POGZ: variants seen among roughly 807,000 people sequenced by gnomAD.
POGZ encodes pogo transposable element with ZNF domain.
A neutral mutation model predicts 134.6 loss-of-function variants in POGZ; 17 were observed. That is an observed-to-expected ratio of 0.13 (90% CI 0.09 to 0.19). The LOEUF (loss-of-function observed/expected upper bound fraction) is 0.19, where lower values mean the gene tolerates loss of function less well. Ranked by LOEUF, POGZ falls within the 10% of genes least tolerant of loss-of-function variation. The pLI is 1.00. For synonymous variants in POGZ, 693 were observed against 657.1 expected (o/e 1.05, Z -0.84); for missense variants, 1,306 against 1,769.7 (o/e 0.74, Z 4.70).
chr1:151,436,922 G>A (rs1035685170), intron 3 of POGZ, among the ~76,000 whole-genome samples: 6 of 152,284 alleles, frequency 3.9e-5, no homozygotes, highest in Middle Eastern at 3.4e-3. Context: ...GGCCAGGTGA[G>A]GCGGCTCATG....
In POGZ at chr1:151,427,819, G is replaced by T. The variant is rs779781451; in HGVS notation, c.1078+4C>A. 6 of 1,594,090 alleles carry T rather than the reference G, an allele frequency of 3.8e-6. No homozygotes were observed. The highest frequency in any genetic ancestry group is 8.6e-7 in the Non-Finnish European group (1 of 1,162,066). On this transcript the variant is annotated splice_donor_region_variant and intron_variant, in intron 7 of 18. Transcript: ENST00000271715. ...GCTGCTCAGAGTCTTTCAGGTTATT[G>T]TACCTTTCATTGAAGACTCAGGTCC...
Position 151,411,569 on chromosome 1 carries a change from C to G in POGZ, c.1926+56G>C. On this transcript the variant is annotated intron_variant, in intron 12 of 18. Transcript: ENST00000271715. ...CCTAGCTCAGCCCTGGCCCCAGCAT[C>G]CATGTTTAAAAAAAAAAAAAACAAG... 3 of 1,277,688 alleles carry G rather than the reference C, an allele frequency of 2.3e-6. No homozygotes were observed. The Admixed American group carries it at 6.3e-5, about 27-fold the overall frequency. The allele number at this position is 1,277,688 out of a possible 1,614,324, so 79.1% of individuals were successfully genotyped here. A position where few individuals can be genotyped will look rare whatever the true frequency, so the allele number is the denominator to read the frequency against.
At chr1:151,407,817 C>T (rs1653925612) in intron 15 of POGZ, among the ~76,000 whole-genome samples, 1 of 151,942 alleles carries the variant, frequency 6.6e-6, no homozygotes. Context: ...TGAGACCAGC[C>T]TGGCCAACAA....
intron 10 of POGZ, among the ~76,000 whole-genome samples, chr1:151,415,396 T>A (rs1655447711): frequency 6.6e-6 from 1 of 152,090 alleles, no homozygotes; most frequent in African/African-American, 2.4e-5. Flanking sequence ...CCGGGTGTGG[T>A]GGCTCACGCC....
intron 12 of POGZ, among the ~76,000 whole-genome samples, 191 bp downstream of exon 12, chr1:151,411,434 C>T (rs1421830913): frequency 2.0e-5 from 3 of 152,136 alleles, no homozygotes; most frequent in Admixed American, 6.5e-5. Context: ...GTATTGTTTG[C>T]CTTGTTTACT....
At position 151,404,719 on chromosome 1, in the gene POGZ, G is replaced by A. The variant is rs1172048950; in HGVS notation, c.*83C>T. On this transcript the variant is annotated 3_prime_UTR_variant, in exon 19 of 19. Coordinates refer to ENST00000271715, the MANE Select transcript of POGZ (RefSeq NM_015100.4). ...AAAATAGAAACCAAATACCCCACCT[G>A]GTATGCCCCCTTTTCCCTAAGCCCC... 26 of 1,486,810 alleles carry A rather than the reference G, an allele frequency of 1.7e-5. No homozygotes were observed. Among genetic ancestry groups the A allele is most frequent in the Non-Finnish European group, 8.9e-6 (10 of 1,120,376 alleles). 92.1% of individuals were successfully genotyped at this position (1,486,810 alleles called of 1,614,324 possible).
At chr1:151,450,464 C>T (rs1199904182) in intron 1 of POGZ, among the ~76,000 whole-genome samples, 1 of 151,054 alleles carries the variant, frequency 6.6e-6, no homozygotes, top group Non-Finnish European at 1.5e-5. Flanking sequence ...GCAATCCTCC[C>T]GTCTCAGCCT....
intron 3 of POGZ, among the ~76,000 whole-genome samples, chr1:151,437,667 G>A (rs897344261): frequency 1.3e-5 from 2 of 151,558 alleles, no homozygotes; most frequent in African/African-American, 2.4e-5. Context: ...CATGAGAATC[G>A]CTTGAACCAG....
intron 3 of POGZ, among the ~76,000 whole-genome samples, chr1:151,437,207 A>T (rs1659739244): frequency 1.3e-5 from 2 of 151,116 alleles, no homozygotes; most frequent in East Asian, 3.9e-4. Flanking sequence ...TCCGTCTCAA[A>T]AAAAAAAAAA....
At chr1:151,421,439 C>T (rs927684520) in intron 10 of POGZ, among the ~76,000 whole-genome samples, 15 of 151,894 alleles carry the variant, frequency 9.9e-5, no homozygotes, top group African/African-American at 2.7e-4. Flanking sequence ...ATGAAGCTTG[C>T]GTATTTCTAC....
At chr1:151,417,634 G>C (rs1270110081) in intron 10 of POGZ, among the ~76,000 whole-genome samples, 1 of 151,264 alleles carries the variant, frequency 6.6e-6, no homozygotes, top group African/African-American at 2.4e-5. Flanking sequence ...AGTGCTGGGA[G>C]TACAGGCGTG....
chr1:151,450,349 C>T (rs1019372138), intron 1 of POGZ, among the ~76,000 whole-genome samples: 1 of 151,658 alleles, frequency 6.6e-6, no homozygotes, highest in Non-Finnish European at 1.5e-5. Context: ...TTGATTTTAT[C>T]TTCATATTCA....
At chr1:151,458,593 G>A (rs909907640) in intron 1 of POGZ, among the ~76,000 whole-genome samples, 3 of 145,682 alleles carry the variant, frequency 2.1e-5, no homozygotes, top group South Asian at 2.1e-4. Context: ...CCCACCCCCA[G>A]GGGCCGCTCC....
At chr1:151,458,813 G>A (rs1362375637) in intron 1 of POGZ, among the ~76,000 whole-genome samples, 1 of 145,390 alleles carries the variant, frequency 6.9e-6, no homozygotes, top group African/African-American at 2.5e-5. Context: ...GCGCGAGTGC[G>A]CGCGCGCGCG....
chr1:151,403,854 G>C lies in POGZ; in HGVS notation c.*948C>G. ...AACAGGATGAAGTTCAGTAAAGCAGGGACTGCCCCTGGGGGCTTACAGGAT... is the reference window on the plus strand; with the variant it reads ...AACAGGATGAAGTTCAGTAAAGCAGCGACTGCCCCTGGGGGCTTACAGGAT... On this transcript the variant is annotated 3_prime_UTR_variant, in exon 19 of 19. Transcript: ENST00000271715. The C allele has an allele frequency of 2.0e-6, 2 of 985,444 alleles. No individual in the cohort carries two copies. Among genetic ancestry groups the C allele is most frequent in the Non-Finnish European group, 2.4e-6 (2 of 829,930 alleles). 61.0% of individuals were successfully genotyped at this position (985,444 alleles called of 1,614,324 possible).
intron 1 of POGZ, among the ~76,000 whole-genome samples, chr1:151,449,958 T>C (rs941764142): frequency 3.3e-5 from 5 of 151,770 alleles, no homozygotes; most frequent in Non-Finnish European, 5.9e-5. Context: ...ATGTTAAAAA[T>C]TTTTTTATAA....
At chr1:151,413,214 A>C (rs1036543773) in intron 10 of POGZ, among the ~76,000 whole-genome samples, 2 of 151,456 alleles carry the variant, frequency 1.3e-5, no homozygotes, top group Non-Finnish European at 2.9e-5. Flanking sequence ...CTTTGAGCTC[A>C]AGCGAGCCTC....
chr1:151,413,623 C>T (rs1022868380), intron 10 of POGZ, among the ~76,000 whole-genome samples: 3 of 150,636 alleles, frequency 2.0e-5, no homozygotes, highest in Admixed American at 6.6e-5. Flanking sequence ...TACACCCCAG[C>T]CAAAGAAATA....
At chr1:151,423,846 C>T (rs754154980) in intron 9 of POGZ, 103 bp downstream of exon 9, 52 of 847,648 alleles carry the variant, frequency 6.1e-5, no homozygotes, top group Non-Finnish European at 9.1e-5. Context: ...AGCAAGACTG[C>T]ATAGTAGTTA....
Sources: gnomAD v4.1 joint callset for allele counts (sites outside exome capture counted in the v4.1 genomes callset) on GRCh38, gnomAD v4.1.1 for gene constraint, MANE v1.5 for transcripts, NCBI Gene and HGNC (gene_info 2026-07-23, HGNC 2026-07-21) for gene names.